ADGRL3: variants seen among roughly 807,000 people sequenced by gnomAD.
ADGRL3 encodes calcium-independent alpha-latrotoxin receptor 3.
Under a neutral mutation model 153.5 loss-of-function variants are expected in ADGRL3, and 62 were observed. That is an observed-to-expected ratio of 0.40 (90% CI 0.33 to 0.50). ADGRL3 has a LOEUF of 0.50. ADGRL3 is among the 20% of genes least tolerant of loss of function. The pLI is 0.47. For missense variants in ADGRL3, 1,641 were observed against 1,859.4 expected, an observed-to-expected ratio of 0.88 and a Z score of 2.16; for synonymous variants, 710 against 672.5, an observed-to-expected ratio of 1.06 and a Z score of -0.86.
At chr4:61,624,177 A>G (rs1397263102) in intron 5 of ADGRL3, among the ~76,000 whole-genome samples, 13 of 152,192 alleles carry the variant, frequency 8.5e-5, no homozygotes, top group Non-Finnish European at 1.5e-5. Flanking sequence ...TTTTAAGGAA[A>G]TGAATGGCAT....
chr4:61,843,329 TG>T (rs1342929032), intron 9 of ADGRL3, among the ~76,000 whole-genome samples: 4 of 152,226 alleles, frequency 2.6e-5, no homozygotes, highest in Non-Finnish European at 4.4e-5. Context: ...CTCCTGTTTT[TG>T]GCTGGACACT....
chr4:61,426,061 C>T (rs1435218627), intron 2 of ADGRL3, among the ~76,000 whole-genome samples: 1 of 152,236 alleles, frequency 6.6e-6, no homozygotes, highest in Non-Finnish European at 1.5e-5. Flanking sequence ...GCTGTTCATT[C>T]AAGGTTTGGA....
At chr4:62,056,895 T>G (rs775157191) in intron 25 of ADGRL3, among the ~76,000 whole-genome samples, 1 of 152,032 alleles carries the variant, frequency 6.6e-6, no homozygotes, top group Non-Finnish European at 1.5e-5. Context: ...AATTTGAAAA[T>G]TGAGGCATAT....
At chr4:61,403,377 G>A (rs2096954653) in intron 2 of ADGRL3, among the ~76,000 whole-genome samples, 1 of 151,972 alleles carries the variant, frequency 6.6e-6, no homozygotes, top group East Asian at 1.9e-4. Flanking sequence ...AAAGGGCCTG[G>A]AAATAGAATC....
chr4:61,815,715 G>T (rs2097680728), intron 9 of ADGRL3, among the ~76,000 whole-genome samples: 1 of 152,146 alleles, frequency 6.6e-6, no homozygotes, highest in Admixed American at 6.5e-5. Context: ...AGATGATTAC[G>T]GCATAAGGCC....
intron 1 of ADGRL3, among the ~76,000 whole-genome samples, chr4:61,219,957 A>C (rs1744642091): frequency 6.6e-6 from 1 of 152,012 alleles, no homozygotes; most frequent in Admixed American, 6.6e-5. Context: ...AAAATGCAAA[A>C]ATTAGGCGGG....
intron 21 of ADGRL3, among the ~76,000 whole-genome samples, chr4:62,026,808 CA>C (rs1313553496): frequency 6.6e-6 from 1 of 151,476 alleles, no homozygotes; most frequent in African/African-American, 2.4e-5. Flanking sequence ...TGCCCTGCTA[CA>C]AAAACAAACA....
At chr4:61,642,830 C>G (rs555235339) in intron 5 of ADGRL3, among the ~76,000 whole-genome samples, 3 of 152,096 alleles carry the variant, frequency 2.0e-5, no homozygotes, top group Non-Finnish European at 2.9e-5. Flanking sequence ...TGAAGAAAGT[C>G]ATTGGTAGCT....
chr4:61,551,610 C>G (rs965432610), intron 4 of ADGRL3, among the ~76,000 whole-genome samples: 5 of 151,986 alleles, frequency 3.3e-5, no homozygotes, highest in Non-Finnish European at 5.9e-5. Context: ...TAAGATAAAC[C>G]AGGTTGTTTT....
rs575181355 is a variant in ADGRL3 at position 61,751,310 on chromosome 4, A to G, written c.1399+17756A>G. 1.2e-4 allele frequency among the ~76,000 whole-genome samples: 19 copies of G among 152,274 alleles called. 1 individual carries two copies. In the South Asian group the frequency reaches 3.9e-3, roughly 32 times the overall value. On this transcript the variant is annotated intron_variant, in intron 8 of 26. Transcript: ENST00000683033. ...CAATAAATAAAATCTGAACTATGTTATTGCCCCTTATTCACTGGTTGACTA... is the reference window on the plus strand; with the variant it reads ...CAATAAATAAAATCTGAACTATGTTGTTGCCCCTTATTCACTGGTTGACTA...
Position 61,444,744 on chromosome 4 carries a change from A to G in ADGRL3, c.-173-52377A>G, listed in dbSNP as rs139204794. ...TTAAATACAAGAATCTCTGCAATCAATTTCACACATTAAGAATGCTTATAC... is the reference window on the plus strand; with the variant it reads ...TTAAATACAAGAATCTCTGCAATCAGTTTCACACATTAAGAATGCTTATAC... On this transcript the variant is annotated intron_variant, in intron 2 of 26. Transcript: ENST00000683033. Among the ~76,000 whole-genome samples, 411 of 152,184 alleles carry G rather than the reference A, an allele frequency of 2.7e-3. 2 individuals carry two copies. Among genetic ancestry groups the G allele is most frequent in the African/African-American group, 9.7e-3 (402 of 41,544 alleles).
intron 6 of ADGRL3, 126 bp downstream of exon 6, chr4:61,677,061 A>C: frequency 1.5e-6 from 1 of 670,018 alleles, no homozygotes. Flanking sequence ...GGCTAATATT[A>C]ATTTTTGAGA....
chr4:62,057,792 C>G (rs141215523), intron 25 of ADGRL3, among the ~76,000 whole-genome samples: 30,608 of 152,002 alleles, frequency 0.2, 3,352 homozygotes, highest in Middle Eastern at 0.32. Flanking sequence ...ATCCTCCTGC[C>G]TCAGCCTCCT....
At chr4:61,585,971 C>T (rs1031630533) in intron 4 of ADGRL3, among the ~76,000 whole-genome samples, 1 of 151,758 alleles carries the variant, frequency 6.6e-6, no homozygotes, top group Non-Finnish European at 1.5e-5. Context: ...GTAAGCAAGC[C>T]ATTCACAAAT....
At position 61,421,442 on chromosome 4, in the gene ADGRL3, C is replaced by CTAT. The variant is rs1257054122; in HGVS notation, c.-174+38255_-174+38256insTTA. Reference sequence around the variant, plus strand: ...GATGCATGTGAAAAGCACTAGAAATCTAATAAAGTGTCAACAACAAGAATA... The same window carrying CTAT: ...GATGCATGTGAAAAGCACTAGAAATCTATTAATAAAGTGTCAACAACAAGAATA... On this transcript the variant is annotated intron_variant, in intron 2 of 26. Coordinates refer to ENST00000683033, the MANE Select transcript of ADGRL3 (RefSeq NM_001387552.1). 3.3e-5 allele frequency among the ~76,000 whole-genome samples: 5 copies of CTAT among 151,994 alleles called. No homozygotes were observed. In the East Asian group the frequency reaches 9.6e-4, roughly 29 times the overall value.
chr4:61,918,754 TA>T (rs1357769611), intron 13 of ADGRL3, among the ~76,000 whole-genome samples: 1 of 152,216 alleles, frequency 6.6e-6, no homozygotes, highest in African/African-American at 2.4e-5. Flanking sequence ...TTTTGATAAT[TA>T]AAAAGATTCC....
intron 2 of ADGRL3, among the ~76,000 whole-genome samples, chr4:61,384,205 G>C (rs2151929040): frequency 8.4e-6 from 1 of 119,408 alleles, no homozygotes; most frequent in Non-Finnish European, 1.8e-5. Context: ...AAATATTTTT[G>C]CTTAATTTCT....
intron 1 of ADGRL3, among the ~76,000 whole-genome samples, chr4:61,272,404 A>G (rs952223860): frequency 6.6e-6 from 1 of 152,106 alleles, no homozygotes; most frequent in South Asian, 2.1e-4. Context: ...AAGAAAATTA[A>G]TTGGTAAGAA....
chr4:61,290,705 G>A (rs746716440), intron 1 of ADGRL3, among the ~76,000 whole-genome samples: 5 of 149,716 alleles, frequency 3.3e-5, no homozygotes, highest in South Asian at 2.1e-4. Context: ...GAGGGAAGGA[G>A]GGAAGGAGGG....
Sources: gnomAD v4.1 joint callset for allele counts (sites outside exome capture counted in the v4.1 genomes callset) on GRCh38, gnomAD v4.1.1 for gene constraint, MANE v1.5 for transcripts, NCBI Gene and HGNC (gene_info 2026-07-23, HGNC 2026-07-21) for gene names.